The following COL24A1 variants were observed in gnomAD, a reference collection of about 807,000 sequenced individuals.
COL24A1 encodes the protein collagen alpha-1(XXIV) chain.
COL24A1 carries 224 observed loss-of-function variants against 253.9 expected under a neutral mutation model. The ratio of observed to expected loss-of-function variants is 0.88; its 90% CI spans 0.79 to 0.99. The LOEUF (loss-of-function observed/expected upper bound fraction) is 0.99, where lower values mean the gene tolerates loss of function less well. Among genes scored for constraint, COL24A1 ranks in the 50% least tolerant of loss-of-function variants. COL24A1 has a pLI of 0.00. For missense variants in COL24A1, 2,131 were observed against 2,068.5 expected (o/e 1.03, Z -0.59); for synonymous variants, 685 against 673.7 (o/e 1.02, Z -0.26).
At chr1:85,970,189 GA>G in intron 22 of COL24A1, 37 bp downstream of exon 22, 1 of 1,512,842 alleles carries the variant, frequency 6.6e-7, no homozygotes, top group Admixed American at 2.1e-5. Flanking sequence ...CTATTTTCAA[GA>G]AAAGCACTTA....
At position 85,961,230 on chromosome 1, in the gene COL24A1, G is replaced by A. The variant is rs773375882; in HGVS notation, c.2562+19C>T. 2 of 1,547,870 alleles carry A rather than the reference G, an allele frequency of 1.3e-6. No individual in the cohort carries two copies. Among genetic ancestry groups the A allele is most frequent in the South Asian group, 1.1e-5 (1 of 88,706 alleles). ...ATGCTTACAGCTGATTAAAAAATAA[G>A]AGCATAAAATAAGCTTACTGTTTCA... On this transcript the variant is annotated intron_variant, in intron 24 of 59. Coordinates refer to ENST00000370571, the MANE Select transcript of COL24A1 (RefSeq NM_152890.7).
At chr1:85,956,646 T>C (rs1280507597) in intron 24 of COL24A1, among the ~76,000 whole-genome samples, 1 of 152,156 alleles carries the variant, frequency 6.6e-6, no homozygotes, top group Non-Finnish European at 1.5e-5. Flanking sequence ...GGGGCAGAAA[T>C]GTGGCAACTG....
intron 2 of COL24A1, among the ~76,000 whole-genome samples, chr1:86,141,629 T>C (rs912993824): frequency 1.3e-5 from 2 of 152,054 alleles, no homozygotes; most frequent in African/African-American, 4.8e-5. Flanking sequence ...TACTTAATCA[T>C]CCTCTATGTG....
intron 47 of COL24A1, among the ~76,000 whole-genome samples, chr1:85,801,949 CTCTCTCCCTCA>C (rs148004124): frequency 0.021 from 3,146 of 152,186 alleles, 105 homozygotes; most frequent in African/African-American, 0.072. Flanking sequence ...TGATATCTCT[CTCTCTCCCTCA>C]TGTCTCCCAA....
chr1:86,030,641 G>C (rs1265339735), intron 14 of COL24A1: 1 of 152,222 alleles, frequency 6.6e-6, no homozygotes, highest in East Asian at 1.9e-4. Flanking sequence ...ATGAAGATTT[G>C]AAGGGCAGCC....
chr1:85,790,916 G>A (rs1345090468), intron 47 of COL24A1, among the ~76,000 whole-genome samples: 2 of 152,034 alleles, frequency 1.3e-5, no homozygotes, highest in Non-Finnish European at 2.9e-5. Context: ...ATGTAACATG[G>A]AGTATTTTAT....
At chr1:85,868,719 T>A (rs1570990650) in intron 36 of COL24A1, 63 bp downstream of exon 36, 1 of 1,407,302 alleles carries the variant, frequency 7.1e-7, no homozygotes, top group East Asian at 2.4e-5. Flanking sequence ...AACAATGATG[T>A]CTAATATTTT....
chr1:85,889,353 C>T (rs1313589512), intron 32 of COL24A1, among the ~76,000 whole-genome samples: 1 of 152,024 alleles, frequency 6.6e-6, no homozygotes, highest in African/African-American at 2.4e-5. Context: ...GATTTAACAG[C>T]TCCAGAAAAA....
intron 14 of COL24A1, 122 bp downstream of exon 14, chr1:86,031,756 G>T: frequency 1.4e-5 from 9 of 656,668 alleles, no homozygotes; most frequent in South Asian, 6.0e-5. Context: ...ATTTAATCAA[G>T]GTTGATAACC....
At chr1:85,904,457 C>T (rs1684614218) in intron 28 of COL24A1, among the ~76,000 whole-genome samples, 2 of 152,158 alleles carry the variant, frequency 1.3e-5, no homozygotes. Context: ...AAACCACTAT[C>T]TTTCTGGTAC....
intron 19 of COL24A1, among the ~76,000 whole-genome samples, chr1:85,997,517 ACT>A (rs1483096936): frequency 6.6e-6 from 1 of 151,986 alleles, no homozygotes; most frequent in African/African-American, 2.4e-5. Flanking sequence ...GGGCGCAGTG[ACT>A]CACACCTGTA....
At chr1:85,879,889 G>A (rs957357766) in intron 32 of COL24A1, among the ~76,000 whole-genome samples, 18 of 152,098 alleles carry the variant, frequency 1.2e-4, no homozygotes, top group Non-Finnish European at 5.9e-5. Context: ...AGGGTCAATC[G>A]TACTTGTCTA....
chr1:85,929,823 C>G (rs1229262405), intron 24 of COL24A1, among the ~76,000 whole-genome samples: 1 of 151,238 alleles, frequency 6.6e-6, no homozygotes, highest in Non-Finnish European at 1.5e-5. Flanking sequence ...CAACCTGTAC[C>G]TGAATGACTA....
chr1:85,765,559 TTAAATAAATAAA>T (rs5775868), intron 53 of COL24A1, among the ~76,000 whole-genome samples: 20 of 143,102 alleles, frequency 1.4e-4, no homozygotes, highest in Middle Eastern at 3.4e-3. Flanking sequence ...AAAAAAATCA[TTAAATAAATAAA>T]TAAATAAATA....
chr1:86,089,048 T>C (rs1703284797), intron 7 of COL24A1, 126 bp downstream of exon 7: 3 of 636,816 alleles, frequency 4.7e-6, no homozygotes, highest in African/African-American at 3.9e-5. Context: ...AATGAGATCA[T>C]AGTCACTGAA....
intron 41 of COL24A1, 61 bp from the exon 42 acceptor site, chr1:85,841,339 AC>A: frequency 8.8e-7 from 1 of 1,141,174 alleles, no homozygotes; most frequent in East Asian, 2.6e-5. Flanking sequence ...TCAAAAACAC[AC>A]AACCTACTAT....
At chr1:86,150,866 C>T (rs1652665040) in intron 1 of COL24A1, among the ~76,000 whole-genome samples, 1 of 152,076 alleles carries the variant, frequency 6.6e-6, no homozygotes, top group Admixed American at 6.5e-5. Flanking sequence ...TGTTCTTTGT[C>T]CTTCTGGGTC....
intron 37 of COL24A1, among the ~76,000 whole-genome samples, chr1:85,850,999 GTGTA>G (rs892006607): frequency 1.7e-4 from 19 of 113,928 alleles, no homozygotes; most frequent in African/African-American, 4.4e-4. Context: ...GTGTGTGTGT[GTGTA>G]TATATATATA....
intron 37 of COL24A1, among the ~76,000 whole-genome samples, chr1:85,854,195 T>C (rs902707005): frequency 3.3e-5 from 5 of 152,222 alleles, no homozygotes; most frequent in African/African-American, 1.2e-4. Context: ...TAGCCAGTTA[T>C]CCCAGCACCA....
Sources: allele counts gnomAD v4.1 joint callset (sites outside exome capture counted in the v4.1 genomes callset), GRCh38; gene constraint gnomAD v4.1.1; transcripts MANE v1.5; gene names NCBI Gene and HGNC (gene_info 2026-07-23, HGNC 2026-07-21).